The following TENM3 variants were observed in gnomAD, a reference collection of about 807,000 sequenced individuals.
TENM3 encodes teneurin-3.
A neutral mutation model predicts 255.1 loss-of-function variants in TENM3; 63 were observed. The observed-to-expected ratio is 0.25, with a 90% CI of 0.20 to 0.30. The LOEUF (loss-of-function observed/expected upper bound fraction) is 0.30. Ranked by LOEUF, TENM3 falls within the 10% of genes least tolerant of loss-of-function variation. The pLI is 1.00. For missense variants in TENM3, 2,929 were observed against 3,461.1 expected, an observed-to-expected ratio of 0.85 and a Z score of 3.86; for synonymous variants, 1,306 against 1,322.3, an observed-to-expected ratio of 0.99 and a Z score of 0.27.
chr4:182,254,005 T>C (rs1027135586), intron 1 of TENM3, among the ~76,000 whole-genome samples: 1 of 152,148 alleles, frequency 6.6e-6, no homozygotes, highest in African/African-American at 2.4e-5. Flanking sequence ...TACATTTCCT[T>C]GTATCTTTCA....
chr4:182,228,669 T>A (rs929983846), intron 1 of TENM3, among the ~76,000 whole-genome samples: 3 of 152,034 alleles, frequency 2.0e-5, no homozygotes, highest in African/African-American at 7.3e-5. Context: ...ATCAAGAAAG[T>A]TCGTTAAGAA....
At chr4:182,660,456 A>G (rs1045899463) in intron 6 of TENM3, among the ~76,000 whole-genome samples, 2 of 152,294 alleles carry the variant, frequency 1.3e-5, no homozygotes, top group African/African-American at 2.4e-5. Flanking sequence ...AAGGTTTACA[A>G]TGAGGTTTGA....
chr4:181,716,981 T>A, the TENM3 span, among the ~76,000 whole-genome samples: 1 of 152,200 alleles, frequency 6.6e-6, no homozygotes, highest in Non-Finnish European at 1.5e-5. Flanking sequence ...CTTTGGTGGA[T>A]AAGCAGAAGC....
the TENM3 span, among the ~76,000 whole-genome samples, chr4:181,766,539 T>G: frequency 6.6e-6 from 1 of 151,596 alleles, no homozygotes; most frequent in Non-Finnish European, 1.5e-5. Flanking sequence ...GTGAGCAGAG[T>G]GGAGGTGGCA....
At chr4:181,496,500 T>G in the TENM3 span, among the ~76,000 whole-genome samples, 1 of 152,212 alleles carries the variant, frequency 6.6e-6, no homozygotes, top group Non-Finnish European at 1.5e-5. Context: ...TGTGATAAAA[T>G]AAAATTATTT....
At chr4:182,683,673 A>G (rs1347788959) in intron 11 of TENM3, among the ~76,000 whole-genome samples, 6 of 152,144 alleles carry the variant, frequency 3.9e-5, no homozygotes, top group African/African-American at 1.4e-4. Context: ...GTTTTAGGCA[A>G]TGGAGGATTT....
intron 3 of TENM3, among the ~76,000 whole-genome samples, chr4:182,404,096 T>C (rs764245190): frequency 2.0e-5 from 3 of 152,216 alleles, no homozygotes; most frequent in Non-Finnish European, 4.4e-5. Flanking sequence ...GCTAATTCCT[T>C]TTTTCAATCA....
chr4:181,999,927 G>A, the TENM3 span, among the ~76,000 whole-genome samples: 1 of 152,064 alleles, frequency 6.6e-6, no homozygotes, highest in Non-Finnish European at 1.5e-5. Flanking sequence ...AGTATTTAAT[G>A]AGTTTAACCT....
chr4:182,182,564 A>C (rs2149745798), intron 1 of TENM3, among the ~76,000 whole-genome samples: 1 of 152,320 alleles, frequency 6.6e-6, no homozygotes. Flanking sequence ...GGTTATATGC[A>C]TCTCTTGATG....
the TENM3 span, among the ~76,000 whole-genome samples, chr4:181,575,915 G>A: frequency 6.6e-6 from 1 of 152,188 alleles, no homozygotes; most frequent in Non-Finnish European, 1.5e-5. Context: ...AATAGCAAGA[G>A]TGATAGCTTC....
chr4:182,418,783 G>A (rs1770573149), intron 3 of TENM3, among the ~76,000 whole-genome samples: 1 of 152,060 alleles, frequency 6.6e-6, no homozygotes, highest in Admixed American at 6.6e-5. Flanking sequence ...GGCTGGTCTT[G>A]AACCCCTGGG....
At chr4:182,551,906 T>A (rs111581370) in intron 3 of TENM3, among the ~76,000 whole-genome samples, 90 of 151,732 alleles carry the variant, frequency 5.9e-4, no homozygotes, top group African/African-American at 2.1e-3. Context: ...AAGTCCTAGC[T>A]ACTCAGGAGG....
Position 182,662,744 on chromosome 4 carries a change from G to A in TENM3, c.1111+8851G>A, listed in dbSNP as rs1370056801. Among the ~76,000 whole-genome samples, 3 of 152,174 alleles carry A rather than the reference G, an allele frequency of 2.0e-5. No individual in the cohort carries two copies. The East Asian group carries it at 5.8e-4, about 29-fold the overall frequency. ...CAGGCTTTTATCTAAGAGGACTGAT[G>A]AGCTTCAGAGGAAAAAGTTGTGCAA... On this transcript the variant is annotated intron_variant, in intron 6 of 27. Coordinates refer to ENST00000511685, the MANE Select transcript of TENM3 (RefSeq NM_001080477.4).
intron 3 of TENM3, among the ~76,000 whole-genome samples, chr4:182,456,151 T>A (rs1356294731): frequency 6.6e-6 from 1 of 152,230 alleles, no homozygotes; most frequent in East Asian, 1.9e-4. Flanking sequence ...CAAACATCAG[T>A]TATTTTATTG....
chr4:181,973,565 A>G, the TENM3 span, among the ~76,000 whole-genome samples: 1 of 152,116 alleles, frequency 6.6e-6, no homozygotes, highest in Non-Finnish European at 1.5e-5. Context: ...AGCCTGGGAA[A>G]CATAGTGAGG....
At chr4:182,517,755 G>A (rs1289661770) in intron 3 of TENM3, among the ~76,000 whole-genome samples, 1 of 152,160 alleles carries the variant, frequency 6.6e-6, no homozygotes, top group Non-Finnish European at 1.5e-5. Context: ...TTGAAGTTTA[G>A]CCAATTTTTA....
chr4:182,714,847 T>C (rs1208713769), intron 13 of TENM3, among the ~76,000 whole-genome samples: 2 of 152,186 alleles, frequency 1.3e-5, no homozygotes, highest in Non-Finnish European at 2.9e-5. Flanking sequence ...TGATTTCCTC[T>C]CCAGTGATGG....
the TENM3 span, among the ~76,000 whole-genome samples, chr4:181,794,166 T>A: frequency 6.7e-6 from 1 of 149,578 alleles, no homozygotes; most frequent in South Asian, 2.2e-4. Flanking sequence ...CAGATAAAAA[T>A]TACATATTTT....
chr4:182,648,770 C>G (rs550661873), intron 5 of TENM3, among the ~76,000 whole-genome samples: 1 of 152,254 alleles, frequency 6.6e-6, no homozygotes, highest in East Asian at 1.9e-4. Context: ...TTTCATTCTT[C>G]TCAGTTGATT....
Sources: gnomAD v4.1 joint callset for allele counts (sites outside exome capture counted in the v4.1 genomes callset) on GRCh38, gnomAD v4.1.1 for gene constraint, MANE v1.5 for transcripts, NCBI Gene and HGNC (gene_info 2026-07-23, HGNC 2026-07-21) for gene names.